Variants in TSPEAR observed in about 807,000 individuals in gnomAD.
TSPEAR encodes thrombospondin type laminin G domain and EAR repeats.
TSPEAR carries 69 observed loss-of-function variants against 71.6 expected under a neutral mutation model. The ratio of observed to expected loss-of-function variants is 0.96; its 90% CI spans 0.79 to 1.18. The LOEUF is 1.18. TSPEAR is among the 50% of genes most tolerant of loss of function. TSPEAR has a pLI of 0.00. For missense variants in TSPEAR, 971 were observed against 894.9 expected, an observed-to-expected ratio of 1.09 and a Z score of -1.09; for synonymous variants, 402 against 387.2, an observed-to-expected ratio of 1.04 and a Z score of -0.45.
At chr21:44,535,918 G>GA (rs57116003) in intron 2 of TSPEAR, among the ~76,000 whole-genome samples, 157 of 144,954 alleles carry the variant, frequency 1.1e-3, no homozygotes, top group South Asian at 5.6e-3. Flanking sequence ...AAGGAAAAAA[G>GA]AAAAAAAAAA....
At chr21:44,553,154 G>A (rs2053472429) in intron 2 of TSPEAR, among the ~76,000 whole-genome samples, 1 of 152,238 alleles carries the variant, frequency 6.6e-6, no homozygotes, top group Non-Finnish European at 1.5e-5. Context: ...CAAGCACTTG[G>A]CATCTATTAA....
rs781829503 is a variant in TSPEAR, at chr21:44,533,760, C to A, written c.467G>T (p.Arg156Leu). 1 of 1,612,378 alleles carries A rather than the reference C, an allele frequency of 6.2e-7. No individual in the cohort carries two copies. Among genetic ancestry groups the A allele is most frequent in the East Asian group, 2.2e-5 (1 of 44,848 alleles). The change falls in exon 3 of 12, where the codon CGC (arginine) becomes CTC (leucine). Residue 156 changes from arginine to leucine, a missense_variant. By Grantham distance (102) the Arg-to-Leu change is moderately radical. Coordinates refer to ENST00000323084, the MANE Select transcript of TSPEAR (RefSeq NM_144991.3). ...CACAGCCAGGACCAGTGTGTGCCAG[C>A]GGCCATCCACCAGGGCCGGGCTGCG... ...SFRSPALVDG[R>L]WHTLVLAVSA...
intron 3 of TSPEAR, among the ~76,000 whole-genome samples, chr21:44,532,428 C>T (rs1204411216): frequency 6.6e-6 from 1 of 152,204 alleles, no homozygotes; most frequent in African/African-American, 2.4e-5. Context: ...TGTCTTCAGC[C>T]TGCACAGCAC....
intron 1 of TSPEAR, chr21:44,702,879 AGTACACACCGCACTG>A: frequency 1.4e-6 from 1 of 718,068 alleles, no homozygotes; most frequent in Non-Finnish European, 2.3e-6. Context: ...CACACGCACT[AGTACACACCGCACTG>A]GTACACACCA....
At position 44,522,032 on chromosome 21, in the gene TSPEAR, T is replaced by A. The variant is rs1555914351; in HGVS notation, c.1417A>T (p.Thr473Ser). ...AACTCCCAGTCGTAGGCGCCGGAGG[T>A]GGCGATGGTCTGGTTGGCCTCGAAG... ...RLFEANQTIA[T>S]SGAYDWEFFS... The change falls in exon 9 of 12, where the codon ACC becomes TCC. Residue 473 changes from threonine (T) to serine (S), a missense_variant. By Grantham distance (58) the Thr-to-Ser change is moderately conservative. Coordinates refer to ENST00000323084, the MANE Select transcript of TSPEAR (RefSeq NM_144991.3). 3.1e-6 allele frequency: 5 copies of A among 1,613,848 alleles called. No homozygotes were observed. The highest frequency in any genetic ancestry group is 4.2e-6 in the Non-Finnish European group (5 of 1,179,974).
chr21:44,682,059 G>A (rs1439615833), intron 1 of TSPEAR: 2 of 1,613,964 alleles, frequency 1.2e-6, no homozygotes, highest in Non-Finnish European at 1.7e-6. Flanking sequence ...GTAACAGGAT[G>A]CCTGGCAGGG....
At chr21:44,678,337 G>C (rs1357491846) in intron 1 of TSPEAR, among the ~76,000 whole-genome samples, 8 of 152,048 alleles carry the variant, frequency 5.3e-5, no homozygotes, top group African/African-American at 1.9e-4. Context: ...GTATTGTCAT[G>C]ATAATCAGTT....
intron 1 of TSPEAR, among the ~76,000 whole-genome samples, chr21:44,694,382 G>A (rs1303460844): frequency 1.3e-5 from 2 of 152,216 alleles, no homozygotes; most frequent in East Asian, 1.9e-4. Context: ...GAAACAGAAA[G>A]TAGAATAGAA....
intron 1 of TSPEAR, among the ~76,000 whole-genome samples, chr21:44,668,222 C>A (rs2146277592): frequency 6.6e-6 from 1 of 152,176 alleles, no homozygotes; most frequent in African/African-American, 2.4e-5. Context: ...GATACAAAAG[C>A]AAAACACAAA....
intron 1 of TSPEAR, among the ~76,000 whole-genome samples, chr21:44,699,670 G>A (rs782288911): frequency 2.6e-5 from 4 of 152,110 alleles, no homozygotes; most frequent in Non-Finnish European, 5.9e-5. Flanking sequence ...TCTGGGATGC[G>A]TCTGTCTCAG....
chr21:44,646,555 GC>G, intron 1 of TSPEAR: 1 of 1,612,354 alleles, frequency 6.2e-7, no homozygotes, highest in Middle Eastern at 2.1e-4. Flanking sequence ...CCCCTGCAGC[GC>G]CCCCAGCTGC....
intron 2 of TSPEAR, among the ~76,000 whole-genome samples, chr21:44,543,573 A>G (rs1555917441): frequency 6.6e-6 from 1 of 152,248 alleles, no homozygotes; most frequent in Non-Finnish European, 1.5e-5. Flanking sequence ...TAGTTAAGTC[A>G]TACGGGATCA....
intron 9 of TSPEAR, chr21:44,519,423 G>A (rs1266870872): frequency 6.8e-6 from 1 of 146,848 alleles, no homozygotes; most frequent in Non-Finnish European, 1.5e-5. Flanking sequence ...GCCCCAGCTT[G>A]CAGCTGCTTT....
chr21:44,585,617 T>C lies in TSPEAR; in HGVS notation c.83-17612A>G, dbSNP rs140772675. On this transcript the variant is annotated intron_variant, in intron 1 of 11. Transcript: ENST00000323084. ...CGGTCATTTTCTGAACTGGGGGTCA[T>C]GGTGTCAGCTCTTCTGCCTCAGGGT... Among the ~76,000 whole-genome samples the C allele has an allele frequency of 3.1e-3, 468 of 152,284 alleles. 8 individuals carry two copies. Among genetic ancestry groups the C allele is most frequent in the African/African-American group, 0.011 (442 of 41,538 alleles).
chr21:44,635,552 C>T (rs782771524), intron 1 of TSPEAR, among the ~76,000 whole-genome samples: 1 of 152,012 alleles, frequency 6.6e-6, no homozygotes, highest in Non-Finnish European at 1.5e-5. Context: ...GCTGAGTGAA[C>T]AAAGCTAGAC....
intron 9 of TSPEAR, chr21:44,519,787 G>C (rs1247817572): frequency 6.6e-6 from 1 of 152,274 alleles, no homozygotes; most frequent in African/African-American, 2.4e-5. Context: ...CTGAGCCTCT[G>C]TGTCCTTGTG....
Position 44,638,027 on chromosome 21 carries a change from G to A in TSPEAR, c.83-70022C>T, listed in dbSNP as rs148110670. ...CCCTGTGTGCAAGTCCACCTGCTGC[G>A]TGCCCGTCCCCTCCTGCGGTGCCTC... On this transcript the variant is annotated intron_variant, in intron 1 of 11. Transcript: ENST00000323084. 3.6e-4 allele frequency: 588 copies of A among 1,613,242 alleles called. 5 individuals carry two copies. In the African/African-American group the frequency reaches 6.7e-3, roughly 18 times the overall value.
At chr21:44,561,958 A>G (rs1206185952) in intron 2 of TSPEAR, among the ~76,000 whole-genome samples, 2 of 152,248 alleles carry the variant, frequency 1.3e-5, no homozygotes, top group African/African-American at 4.8e-5. Flanking sequence ...CCTATTCAAC[A>G]TAGTATTAGA....
intron 1 of TSPEAR, among the ~76,000 whole-genome samples, chr21:44,664,923 G>A (rs1295880376): frequency 1.3e-5 from 2 of 152,192 alleles, no homozygotes; most frequent in Admixed American, 6.5e-5. Flanking sequence ...AGGGCAGGTA[G>A]GTTCTCCAGA....
Sources: allele counts gnomAD v4.1 joint callset (sites outside exome capture counted in the v4.1 genomes callset), GRCh38; gene constraint gnomAD v4.1.1; transcripts MANE v1.5; gene names NCBI Gene and HGNC (gene_info 2026-07-23, HGNC 2026-07-21).